AGTPBP1: variants seen among roughly 807,000 people sequenced by gnomAD.
AGTPBP1 encodes ATP/GTP binding carboxypeptidase 1, also known as cytosolic carboxypeptidase 1.
A neutral mutation model predicts 143.9 loss-of-function variants in AGTPBP1; 70 were observed. That is an observed-to-expected ratio of 0.49 (90% CI 0.40 to 0.59). The LOEUF is 0.59. Ranked by LOEUF, AGTPBP1 falls within the 20% of genes least tolerant of loss-of-function variation. AGTPBP1 has a pLI of 0.00. For synonymous variants in AGTPBP1, 463 were observed against 500.2 expected, an observed-to-expected ratio of 0.93 and a Z score of 0.99; for missense variants, 1,229 against 1,464.5, an observed-to-expected ratio of 0.84 and a Z score of 2.62.
chr9:85,656,754 T>C (rs1047311304), intron 10 of AGTPBP1, among the ~76,000 whole-genome samples: 1 of 152,140 alleles, frequency 6.6e-6, no homozygotes, highest in African/African-American at 2.4e-5. Context: ...AGTTCCAGGT[T>C]TCATTTTTGT....
intron 25 of AGTPBP1, among the ~76,000 whole-genome samples, chr9:85,564,264 T>C (rs1826936045): frequency 1.3e-5 from 2 of 152,248 alleles, no homozygotes; most frequent in South Asian, 4.1e-4. Context: ...CTAAAGATCA[T>C]TTTCAAGCCT....
Position 85,583,398 on chromosome 9 carries a change from A to G in AGTPBP1, c.3165+2065T>C, listed in dbSNP as rs1442642239. On this transcript the variant is annotated intron_variant, in intron 23 of 25. Transcript: ENST00000357081. ...AACCCTGGAAATGTAAGAAGCTTACATTTCCTAAAGAAAAGAAACAAAGTT... is the reference window on the plus strand; with the variant it reads ...AACCCTGGAAATGTAAGAAGCTTACGTTTCCTAAAGAAAAGAAACAAAGTT... 2.0e-5 allele frequency among the ~76,000 whole-genome samples: 3 copies of G among 152,134 alleles called. No homozygotes were observed. The East Asian group carries it at 5.8e-4, about 29-fold the overall frequency.
Position 85,672,537 on chromosome 9 carries a change from C to A in AGTPBP1, c.568+13G>T. 1 of 1,605,860 alleles carries A rather than the reference C, an allele frequency of 6.2e-7. No individual in the cohort carries two copies. Among genetic ancestry groups the A allele is most frequent in the Non-Finnish European group, 8.5e-7 (1 of 1,177,484 alleles). ...ACAACACTGAGTTAACTAAAAGCCA[C>A]CTAAATACTCACAGTTGGCAGAATA... On this transcript the variant is annotated intron_variant, in intron 7 of 25. Coordinates refer to ENST00000357081, the MANE Select transcript of AGTPBP1 (RefSeq NM_001330701.2).
intron 12 of AGTPBP1, among the ~76,000 whole-genome samples, chr9:85,643,436 CA>C (rs1380692185): frequency 6.6e-6 from 1 of 152,136 alleles, no homozygotes. Context: ...ACACATCTTG[CA>C]AAGACAGGAG....
chr9:85,699,654 AT>A (rs1836519800), intron 2 of AGTPBP1, among the ~76,000 whole-genome samples: 1 of 151,938 alleles, frequency 6.6e-6, no homozygotes. Flanking sequence ...CACAGGATGC[AT>A]GGTAGTAAAA....
chr9:85,695,053 A>C (rs1220113013), intron 2 of AGTPBP1, among the ~76,000 whole-genome samples: 2 of 152,142 alleles, frequency 1.3e-5, no homozygotes, highest in Non-Finnish European at 2.9e-5. Context: ...CAGCCTAGTG[A>C]CTAGGCTGCT....
At chr9:85,754,959 T>C in the AGTPBP1 span, among the ~76,000 whole-genome samples, 3 of 152,252 alleles carry the variant, frequency 2.0e-5, no homozygotes, top group Admixed American at 6.5e-5. Flanking sequence ...GATCTCCTAC[T>C]GGAGTATTTA....
chr9:85,741,403 T>A (rs1824259745), intron 1 of AGTPBP1: 2 of 984,914 alleles, frequency 2.0e-6, no homozygotes, highest in Non-Finnish European at 2.4e-6. Flanking sequence ...GCCCCTCGGC[T>A]GGACTCCCCG....
chr9:85,637,653 A>G (rs372057239), intron 13 of AGTPBP1, among the ~76,000 whole-genome samples: 27 of 152,194 alleles, frequency 1.8e-4, no homozygotes, highest in African/African-American at 6.3e-4. Context: ...TCTGCGCAGG[A>G]GATGAAGAGA....
In AGTPBP1 at chr9:85,692,765, C is replaced by A; in HGVS notation, c.81G>T (p.Lys27Asn). The A allele has an allele frequency of 1.2e-6, 2 of 1,613,964 alleles. No individual in the cohort carries two copies. Among genetic ancestry groups the A allele is most frequent in the South Asian group, 2.2e-5 (2 of 91,066 alleles). The change falls in exon 3 of 26, where the codon AAG (lysine) becomes AAT (asparagine). Residue 27 changes from lysine to asparagine, a missense_variant. Transcript: ENST00000357081. ...RIVGLLAQLE[K>N]INAEPSESDT... ...CTGATTCTGAAGGCTCAGCATTGAT[C>A]TTCTCCAGTTGAGCCAGGAGTCCTA...
intron 25 of AGTPBP1, among the ~76,000 whole-genome samples, chr9:85,568,752 G>A (rs1408808650): frequency 6.6e-6 from 1 of 152,182 alleles, no homozygotes; most frequent in African/African-American, 2.4e-5. Context: ...TATCTCAGAA[G>A]AGAAATCAAA....
rs1188963782 is a variant in AGTPBP1 at position 85,672,600 on chromosome 9, T to A, written c.518A>T (p.His173Leu). ...CTGAAGGCAAGGTAGAACCAAGCGATGATTCTGCAAATTCTGCTTGACCAA... is the reference window on the plus strand; with the variant it reads ...CTGAAGGCAAGGTAGAACCAAGCGAAGATTCTGCAAATTCTGCTTGACCAA... ...LNLVKQNLQNHRLVLPCLQLL... is the reference protein window; with the variant it reads ...LNLVKQNLQNLRLVLPCLQLL... Residue 173 changes from histidine to leucine, a missense_variant, in exon 7 of 26, where the codon CAT becomes CTT. This residue lies in a region of AGTPBP1 where 743 missense variants were observed against 812.2 expected (regional missense o/e 0.91). Coordinates refer to ENST00000357081, the MANE Select transcript of AGTPBP1 (RefSeq NM_001330701.2). 8 of 1,613,784 alleles carry A rather than the reference T, an allele frequency of 5.0e-6. No individual in the cohort carries two copies. The highest frequency in any genetic ancestry group is 1.3e-5 in the African/African-American group (1 of 74,856).
chr9:85,562,929 ATGGGATTAGTGCCCT>A (rs1446415146), intron 25 of AGTPBP1, among the ~76,000 whole-genome samples: 5 of 152,134 alleles, frequency 3.3e-5, no homozygotes, highest in Admixed American at 3.3e-4. Context: ...GCCCTCTTGA[ATGGGATTAGTGCCCT>A]TATAAAAGAG....
chr9:85,716,863 C>T (rs1317322778), intron 1 of AGTPBP1, among the ~76,000 whole-genome samples: 1 of 152,230 alleles, frequency 6.6e-6, no homozygotes, highest in Non-Finnish European at 1.5e-5. Context: ...GGAATACCCC[C>T]AGTCCTTACC....
chr9:85,606,884 T>C (rs1323625273), intron 17 of AGTPBP1, among the ~76,000 whole-genome samples: 4 of 151,812 alleles, frequency 2.6e-5, no homozygotes, highest in African/African-American at 7.2e-5. Flanking sequence ...AAATAATAGA[T>C]ACAAAAGCTG....
intron 18 of AGTPBP1, among the ~76,000 whole-genome samples, chr9:85,594,893 T>C (rs1452565239): frequency 2.0e-5 from 3 of 152,224 alleles, no homozygotes; most frequent in Non-Finnish European, 4.4e-5. Flanking sequence ...AAAGTAAGAA[T>C]GCTTTTTGAA....
intron 4 of AGTPBP1, among the ~76,000 whole-genome samples, chr9:85,680,761 T>A (rs991720779): frequency 6.6e-6 from 1 of 152,156 alleles, no homozygotes. Context: ...AAATACAGAA[T>A]CCTGATTCTG....
intron 17 of AGTPBP1, among the ~76,000 whole-genome samples, chr9:85,616,357 A>C (rs575882660): frequency 6.6e-6 from 1 of 152,132 alleles, no homozygotes; most frequent in Admixed American, 6.5e-5. Context: ...ATTCATTTTA[A>C]AATTTTAAAT....
chr9:85,718,512 GGTT>G (rs1456701813), intron 1 of AGTPBP1, among the ~76,000 whole-genome samples: 4 of 152,038 alleles, frequency 2.6e-5, no homozygotes, highest in Non-Finnish European at 4.4e-5. Flanking sequence ...TTTTTGATGG[GGTT>G]GTTTGGTTTT....
Sources: gnomAD v4.1 joint callset for allele counts (sites outside exome capture counted in the v4.1 genomes callset) on GRCh38, gnomAD v4.1.1 for gene constraint, gnomAD v4.1.1 regional missense constraint, MANE v1.5 for transcripts, NCBI Gene and HGNC (gene_info 2026-07-23, HGNC 2026-07-21) for gene names.